OSBPL9: variants seen among roughly 807,000 people sequenced by gnomAD.
The protein encoded by OSBPL9 is oxysterol binding protein like 9.
Under a neutral mutation model 106.6 loss-of-function variants are expected in OSBPL9, and 40 were observed. The ratio of observed to expected loss-of-function variants is 0.38; its 90% CI spans 0.29 to 0.49. OSBPL9 has a LOEUF of 0.49. OSBPL9 is among the 20% of genes least tolerant of loss of function. The probability of loss-of-function intolerance (pLI) is 0.97; values close to 1 mark genes in which losing one functional copy is unlikely to be tolerated. For missense variants in OSBPL9, 609 were observed against 887.2 expected (o/e 0.69, Z 3.98); for synonymous variants, 269 against 295.4 (o/e 0.91, Z 0.92).
chr1:51,667,672 T>G (rs1648839585), intron 2 of OSBPL9, among the ~76,000 whole-genome samples: 1 of 152,238 alleles, frequency 6.6e-6, no homozygotes, highest in African/African-American at 2.4e-5. Context: ...TCAGGAAATA[T>G]TTGATACATC....
intron 1 of OSBPL9, among the ~76,000 whole-genome samples, chr1:51,584,494 G>A (rs1448467488): frequency 6.6e-6 from 1 of 152,066 alleles, no homozygotes; most frequent in Non-Finnish European, 1.5e-5. Flanking sequence ...CAGGTGGATC[G>A]CCTGAGGTCA....
intron 6 of OSBPL9, 66 bp from the exon 7 acceptor site, chr1:51,748,303 A>T (rs1668470129): frequency 2.0e-6 from 3 of 1,485,502 alleles, no homozygotes; most frequent in Non-Finnish European, 2.7e-6. Flanking sequence ...ATGACTAGCC[A>T]GTAAAAAATA....
chr1:51,771,958 A>C lies in OSBPL9; in HGVS notation c.939-112A>C, dbSNP rs1206182797. On this transcript the variant is annotated intron_variant, in intron 12 of 23. Transcript: ENST00000428468. Reference sequence around the variant, plus strand: ...AGACAAGAGACCTTGTCATCAAGAGAATTCTAAAGCATATATATGCATGCA... The same window carrying C: ...AGACAAGAGACCTTGTCATCAAGAGCATTCTAAAGCATATATATGCATGCA... The C allele has an allele frequency of 5.7e-6, 4 of 700,772 alleles. No individual in the cohort carries two copies. In the African/African-American group the frequency reaches 7.4e-5, roughly 13 times the overall value. The allele number at this position is 700,772 out of a possible 1,614,324, so 43.4% of individuals were successfully genotyped here. A position where few individuals can be genotyped will look rare whatever the true frequency, so the allele number is the denominator to read the frequency against.
chr1:51,568,449 T>C, the OSBPL9 span, among the ~76,000 whole-genome samples: 1 of 152,170 alleles, frequency 6.6e-6, no homozygotes, highest in South Asian at 2.1e-4. Flanking sequence ...CCTTTATGCT[T>C]TGTAAAAACT....
chr1:51,647,367 A>G (rs1281717920), intron 1 of OSBPL9, among the ~76,000 whole-genome samples: 2 of 152,144 alleles, frequency 1.3e-5, no homozygotes, highest in African/African-American at 4.8e-5. Flanking sequence ...TTAGAAACAG[A>G]TACTGTTTTT....
At chr1:51,606,882 C>A (rs573051937) in intron 2 of OSBPL9, among the ~76,000 whole-genome samples, 2 of 151,772 alleles carry the variant, frequency 1.3e-5, no homozygotes, top group East Asian at 2.0e-4. Context: ...CCCGGTCTCT[C>A]CTAAAAATAC....
intron 2 of OSBPL9, among the ~76,000 whole-genome samples, chr1:51,611,635 A>C (rs994584981): frequency 2.0e-5 from 3 of 152,210 alleles, no homozygotes; most frequent in African/African-American, 7.2e-5. Flanking sequence ...AAGGAAGGAA[A>C]CTTCCTATGG....
At chr1:51,597,848 A>G (rs1323276653) in intron 1 of OSBPL9, among the ~76,000 whole-genome samples, 1 of 152,220 alleles carries the variant, frequency 6.6e-6, no homozygotes, top group Non-Finnish European at 1.5e-5. Context: ...TTTACTAATC[A>G]CCTACTATGT....
intron 4 of OSBPL9, among the ~76,000 whole-genome samples, chr1:51,737,410 T>TA (rs1441516382): frequency 2.6e-5 from 4 of 152,088 alleles, no homozygotes; most frequent in Non-Finnish European, 5.9e-5. Flanking sequence ...ATATTTATTT[T>TA]AAAAAATTAA....
chr1:51,716,498 G>A (rs1278885717), intron 4 of OSBPL9, among the ~76,000 whole-genome samples: 1 of 152,190 alleles, frequency 6.6e-6, no homozygotes, highest in African/African-American at 2.4e-5. Flanking sequence ...AATATTGGAT[G>A]AGAACTGGTT....
intron 1 of OSBPL9, chr1:51,598,058 A>G (rs1645311449): frequency 6.6e-6 from 1 of 152,248 alleles, no homozygotes; most frequent in Non-Finnish European, 1.5e-5. Flanking sequence ...TTGTGAAATG[A>G]CTTTACTTGT....
At chr1:51,718,488 A>T (rs1005103119) in intron 4 of OSBPL9, among the ~76,000 whole-genome samples, 5 of 152,182 alleles carry the variant, frequency 3.3e-5, no homozygotes, top group African/African-American at 4.8e-5. Flanking sequence ...ACCCACAAAA[A>T]TTTAAAAATT....
chr1:51,642,355 C>T (rs1645854899), intron 1 of OSBPL9, among the ~76,000 whole-genome samples: 1 of 152,112 alleles, frequency 6.6e-6, no homozygotes, highest in Non-Finnish European at 1.5e-5. Flanking sequence ...TGTTTAATTA[C>T]AGATTTATAA....
At chr1:51,619,112 A>G (rs1208638719) in intron 1 of OSBPL9, among the ~76,000 whole-genome samples, 1 of 152,206 alleles carries the variant, frequency 6.6e-6, no homozygotes, top group Non-Finnish European at 1.5e-5. Context: ...CTCTGGAATT[A>G]TGAAACCCAT....
At chr1:51,632,653 C>T (rs1336643122) in intron 1 of OSBPL9, among the ~76,000 whole-genome samples, 1 of 118,446 alleles carries the variant, frequency 8.4e-6, no homozygotes, top group Non-Finnish European at 1.9e-5. Flanking sequence ...AATGGAAAGC[C>T]TGCGATGGGG....
chr1:51,662,740 G>C (rs200292937), intron 2 of OSBPL9, among the ~76,000 whole-genome samples: 14 of 142,066 alleles, frequency 9.9e-5, no homozygotes, highest in African/African-American at 4.0e-4. Flanking sequence ...AAAAATCAAC[G>C]AATTTTTTTT....
the OSBPL9 span, among the ~76,000 whole-genome samples, chr1:51,550,067 C>T: frequency 1.3e-5 from 2 of 152,140 alleles, no homozygotes. Context: ...CTGGTCCTGT[C>T]CCTTACTAGC....
At chr1:51,590,375 C>T (rs569563595) in intron 1 of OSBPL9, among the ~76,000 whole-genome samples, 1 of 151,786 alleles carries the variant, frequency 6.6e-6, no homozygotes, top group East Asian at 1.9e-4. Context: ...AATCCCAGCA[C>T]TTTGGGAGGC....
At chr1:51,752,909 C>T (rs568199399) in intron 8 of OSBPL9, among the ~76,000 whole-genome samples, 1 of 152,280 alleles carries the variant, frequency 6.6e-6, no homozygotes, top group Admixed American at 6.5e-5. Flanking sequence ...GGCTTCAACA[C>T]AGGAATTTGG....
Sources: gnomAD v4.1 joint callset for allele counts (sites outside exome capture counted in the v4.1 genomes callset) on GRCh38, gnomAD v4.1.1 for gene constraint, MANE v1.5 for transcripts, NCBI Gene and HGNC (gene_info 2026-07-23, HGNC 2026-07-21) for gene names.